BRIP1: variants seen among roughly 807,000 people sequenced by gnomAD.
BRIP1 encodes Fanconi anemia group J protein.
BRIP1 carries 88 observed loss-of-function variants against 119.7 expected under a neutral mutation model. The ratio of observed to expected loss-of-function variants is 0.74; its 90% CI spans 0.62 to 0.88. The LOEUF (loss-of-function observed/expected upper bound fraction) is 0.88. Ranked by LOEUF, BRIP1 falls within the 40% of genes least tolerant of loss-of-function variation. The pLI is 0.00. For missense variants in BRIP1, 1,259 were observed against 1,455.4 expected, an observed-to-expected ratio of 0.87 and a Z score of 2.20; for synonymous variants, 443 against 496.5, an observed-to-expected ratio of 0.89 and a Z score of 1.43.
intron 17 of BRIP1, among the ~76,000 whole-genome samples, chr17:61,696,568 C>T (rs1193214935): frequency 2.0e-5 from 3 of 151,772 alleles, no homozygotes; most frequent in African/African-American, 7.3e-5. Context: ...ACCAGTGAAG[C>T]CATTTGATCA....
At chr17:61,791,716 C>T (rs2145221282) in intron 10 of BRIP1, among the ~76,000 whole-genome samples, 1 of 152,070 alleles carries the variant, frequency 6.6e-6, no homozygotes, top group African/African-American at 2.4e-5. Flanking sequence ...CATGGAAGTA[C>T]AGCCCAGTGC....
In BRIP1 at chr17:61,776,605, G is replaced by A. The variant is rs1259461283; in HGVS notation, c.1936-43C>T. On this transcript the variant is annotated intron_variant, in intron 13 of 19. Coordinates refer to ENST00000259008, the MANE Select transcript of BRIP1 (RefSeq NM_032043.3). This position sits in a 1 kb window ranked among gnomAD's most constrained non-coding sequence, Gnocchi z 5.0. ...CATTATTAGAGTTATGCCTGAAAAA[G>A]GCATGGAAATTAGTATTTATTTGGA... The A allele has an allele frequency of 4.4e-6, 7 of 1,586,056 alleles. No individual in the cohort carries two copies. The highest frequency in any genetic ancestry group is 6.1e-6 in the Non-Finnish European group (7 of 1,154,742).
At chr17:61,818,939 A>C (rs2078278323) in intron 6 of BRIP1, among the ~76,000 whole-genome samples, 1 of 152,132 alleles carries the variant, frequency 6.6e-6, no homozygotes. Context: ...TAATCCCAGC[A>C]CTTTGGGAGG....
Position 61,784,366 on chromosome 17 carries a change from T to C in BRIP1, c.1532A>G (p.Glu511Gly), listed in dbSNP as rs1555603565. The C allele has an allele frequency of 1.2e-6, 2 of 1,613,350 alleles. No individual in the cohort carries two copies. Among genetic ancestry groups the C allele is most frequent in the Non-Finnish European group, 1.7e-6 (2 of 1,179,496 alleles). Residue 511 changes from glutamate (E) to glycine (G), a missense_variant, in exon 11 of 20, where the codon GAG becomes GGG. Glu to Gly is a moderately conservative substitution (Grantham distance 98). This residue lies in a region of BRIP1 where 753 missense variants were observed against 891.8 expected (regional missense o/e 0.84). Coordinates refer to ENST00000259008, the MANE Select transcript of BRIP1 (RefSeq NM_032043.3). ...AATAACAGGTACTTCTCTTGCCTCCTCTTTACCATAAATTGGTGAGATTTT... is the reference window on the plus strand; with the variant it reads ...AATAACAGGTACTTCTCTTGCCTCCCCTTTACCATAAATTGGTGAGATTTT... The part of the protein sequence containing the change: ...EEKISPIYGK[E>G]EAREVPVISA...
rs553858370 is a variant in BRIP1, at chr17:61,684,972, C to T, written c.2906-832G>A. 1 of 152,230 alleles carries T rather than the reference C, an allele frequency of 6.6e-6. No individual in the cohort carries two copies. The highest frequency in any genetic ancestry group is 2.1e-4 in the South Asian group (1 of 4,820). 9.4% of individuals were successfully genotyped at this position (152,230 alleles called of 1,614,324 possible). ...GTTTCACCACACTGGTCAGGCTGGT[C>T]TCGGACTCCTGACCTCGGATGATCC... On this transcript the variant is annotated intron_variant, in intron 19 of 19. Coordinates refer to ENST00000259008, the MANE Select transcript of BRIP1 (RefSeq NM_032043.3). The surrounding 1 kb of genome is among the most constrained non-coding windows in gnomAD (Gnocchi z 4.5).
intron 18 of BRIP1, among the ~76,000 whole-genome samples, chr17:61,692,908 T>C (rs182274858): frequency 6.6e-6 from 1 of 152,350 alleles, no homozygotes; most frequent in Non-Finnish European, 1.5e-5. Context: ...TGAAGAGATA[T>C]CTGCATTCCC....
Position 61,752,640 on chromosome 17 carries a change from C to T in BRIP1, c.2098-8049G>A, listed in dbSNP as rs138073565. On this transcript the variant is annotated intron_variant, in intron 14 of 19. Transcript: ENST00000259008. This position sits in a 1 kb window ranked among gnomAD's most constrained non-coding sequence, Gnocchi z 6.2. ...TCCTTTATTAAATTGCCTACAAGTA[C>T]GTGAATCCTTAAATGCTCTCTGAAT... Among the ~76,000 whole-genome samples, 1,012 of 152,248 alleles carry T rather than the reference C, an allele frequency of 6.6e-3. 9 individuals are homozygous for T. Among genetic ancestry groups the T allele is most frequent in the African/African-American group, 0.023 (972 of 41,528 alleles).
At position 61,757,986 on chromosome 17, in the gene BRIP1, A is replaced by G. The variant is rs1235978065; in HGVS notation, c.2098-13395T>C. 6.6e-6 allele frequency among the ~76,000 whole-genome samples: 1 copy of G among 151,582 alleles called. No individual in the cohort carries two copies. The highest frequency in any genetic ancestry group is 2.4e-5 in the African/African-American group (1 of 41,234). On this transcript the variant is annotated intron_variant, in intron 14 of 19. Coordinates refer to ENST00000259008, the MANE Select transcript of BRIP1 (RefSeq NM_032043.3). This position sits in a 1 kb window ranked among gnomAD's most constrained non-coding sequence, Gnocchi z 4.3. ...TCTAGCCTGGGCAACAGAATGAGAC[A>G]CTGTCTTGAAAAAAAAAAAGAGAAA...
In BRIP1 at chr17:61,713,101, C is replaced by T. The variant is rs1215279475; in HGVS notation, c.2492+2850G>A. On this transcript the variant is annotated intron_variant, in intron 17 of 19. Transcript: ENST00000259008. This position sits in a 1 kb window ranked among gnomAD's most constrained non-coding sequence, Gnocchi z 4.9. ...AAATTCCTATCACCTAGTGATGTCA[C>T]CATTGTAACATTATAGCACAATGCA... 1.3e-5 allele frequency among the ~76,000 whole-genome samples: 2 copies of T among 152,094 alleles called. No homozygotes were observed. The highest frequency in any genetic ancestry group is 2.4e-5 in the African/African-American group (1 of 41,428).
At chr17:61,830,345 C>T (rs1040597549) in intron 6 of BRIP1, among the ~76,000 whole-genome samples, 8 of 125,172 alleles carry the variant, frequency 6.4e-5, no homozygotes, top group African/African-American at 2.4e-4. Context: ...AATGGAAAAA[C>T]AGAAAGTCAA....
chr17:61,750,456 A>G (rs2077116699), intron 14 of BRIP1, among the ~76,000 whole-genome samples: 1 of 152,196 alleles, frequency 6.6e-6, no homozygotes, highest in Non-Finnish European at 1.5e-5. Flanking sequence ...GGATTTGGCA[A>G]TGATTTGTTG....
At chr17:61,721,114 T>A (rs949575013) in intron 16 of BRIP1, among the ~76,000 whole-genome samples, 2 of 152,126 alleles carry the variant, frequency 1.3e-5, no homozygotes, top group Non-Finnish European at 2.9e-5. Flanking sequence ...AATGCTGGGA[T>A]TACAGGCGTG....
chr17:61,836,131 G>A (rs1165143519), intron 6 of BRIP1, among the ~76,000 whole-genome samples: 4 of 42,478 alleles, frequency 9.4e-5, no homozygotes, highest in African/African-American at 3.6e-4. Flanking sequence ...TTTTTTTTTT[G>A]AGACAGGTTT....
intron 14 of BRIP1, among the ~76,000 whole-genome samples, chr17:61,765,401 A>T (rs1316485845): frequency 8.8e-5 from 1 of 11,386 alleles, no homozygotes; most frequent in Non-Finnish European, 1.8e-4. Flanking sequence ...ATATATATAT[A>T]TATATATATA....
At position 61,745,204 on chromosome 17, in the gene BRIP1, T is replaced by C. The variant is rs1440426040; in HGVS notation, c.2098-613A>G. 6.6e-6 allele frequency among the ~76,000 whole-genome samples: 1 copy of C among 152,218 alleles called. No homozygotes were observed. The highest frequency in any genetic ancestry group is 1.9e-4 in the East Asian group (1 of 5,176). On this transcript the variant is annotated intron_variant, in intron 14 of 19. Coordinates refer to ENST00000259008, the MANE Select transcript of BRIP1 (RefSeq NM_032043.3). This position sits in a 1 kb window ranked among gnomAD's most constrained non-coding sequence, Gnocchi z 4.4. ...GAAGTAGAAAATATATGGGCACAAA[T>C]GGAACATTTACAGCCATGGGCTAGA...
chr17:61,683,333 G>A lies in BRIP1; in HGVS notation c.3713C>T (p.Pro1238Leu), dbSNP rs2144066695. 6.2e-7 allele frequency: 1 copy of A among 1,610,688 alleles called. No individual in the cohort carries two copies. The highest frequency in any genetic ancestry group is 8.5e-7 in the Non-Finnish European group (1 of 1,177,736). ...EIEIKNFKPS[P>L]SKNKGMFPGF... ...AGGAAACATGCCTTTATTTTTGGAA[G>A]GAGATGGTTTAAAGTTCTTTATTTC... The change falls in exon 20 of 20, where the codon CCT (proline) becomes CTT (leucine). Residue 1238 changes from proline (P) to leucine (L), a missense_variant. By Grantham distance (98) the Pro-to-Leu change is moderately conservative. Around this residue, in one of 3 missense-constraint regions of BRIP1, gnomAD observed 753 missense variants for 891.8 expected, o/e 0.84. Transcript: ENST00000259008. The surrounding 1 kb of genome is among the most constrained non-coding windows in gnomAD (Gnocchi z 4.7).
rs1342985604 is a variant in BRIP1, at chr17:61,824,244, G to A, written c.628-15487C>T. Among the ~76,000 whole-genome samples, 2 of 152,212 alleles carry A rather than the reference G, an allele frequency of 1.3e-5. No homozygotes were observed. Among genetic ancestry groups the A allele is most frequent in the Non-Finnish European group, 2.9e-5 (2 of 68,046 alleles). On this transcript the variant is annotated intron_variant, in intron 6 of 19. Transcript: ENST00000259008. The surrounding 1 kb of genome is among the most constrained non-coding windows in gnomAD (Gnocchi z 4.3). Reference sequence around the variant, plus strand: ...CTAAACTTCAATACCCAGTGAAAATGTGTTTCAAAACAAAGCGACGGTTCC... The same window carrying A: ...CTAAACTTCAATACCCAGTGAAAATATGTTTCAAAACAAAGCGACGGTTCC...
In BRIP1 at chr17:61,776,260, T is replaced by C. The variant is rs993075963; in HGVS notation, c.2097+141A>G. ...TAATCAAAAAATAAGTAAAATAATA[T>C]GTGATGTTTAGAAAACTATAGTTAT... On this transcript the variant is annotated intron_variant, in intron 14 of 19. Coordinates refer to ENST00000259008, the MANE Select transcript of BRIP1 (RefSeq NM_032043.3). This position sits in a 1 kb window ranked among gnomAD's most constrained non-coding sequence, Gnocchi z 5.0. 1.2e-6 allele frequency: 1 copy of C among 862,974 alleles called. No individual in the cohort carries two copies. The highest frequency in any genetic ancestry group is 1.8e-6 in the Non-Finnish European group (1 of 548,510). The allele number at this position is 862,974 out of a possible 1,614,324, so 53.5% of individuals were successfully genotyped here. A position where few individuals can be genotyped will look rare whatever the true frequency, so the allele number is the denominator to read the frequency against.
Position 61,861,542 on chromosome 17 carries a change from T to C in BRIP1, c.-3A>G. The C allele has an allele frequency of 6.2e-7, 1 of 1,600,154 alleles. No homozygotes were observed. Among genetic ancestry groups the C allele is most frequent in the South Asian group, 1.1e-5 (1 of 90,758 alleles). ...TATTCAGACCACATTGAAGACATAG[T>C]GCTTTCCTGTTTATTTCAGATTCCT... On this transcript the variant is annotated 5_prime_UTR_variant, in exon 2 of 20. Transcript: ENST00000259008. The surrounding 1 kb of genome is among the most constrained non-coding windows in gnomAD (Gnocchi z 4.5).
Sources: allele counts gnomAD v4.1 joint callset (sites outside exome capture counted in the v4.1 genomes callset), GRCh38; gene constraint gnomAD v4.1.1; regional missense constraint gnomAD v4.1.1; non-coding constraint Gnocchi (gnomAD v3.1); transcripts MANE v1.5; gene names NCBI Gene and HGNC (gene_info 2026-07-23, HGNC 2026-07-21).